Variants in PPP1R12A observed in about 807,000 individuals in gnomAD.
The protein encoded by PPP1R12A is myosin binding subunit.
A neutral mutation model predicts 139.6 loss-of-function variants in PPP1R12A; 19 were observed. That is an observed-to-expected ratio of 0.14 (90% CI 0.09 to 0.20). The LOEUF (loss-of-function observed/expected upper bound fraction) is 0.20. Among genes scored for constraint, PPP1R12A ranks in the 10% least tolerant of loss-of-function variants. The pLI, the probability that PPP1R12A is intolerant of heterozygous loss-of-function variation, is 1.00. For missense variants in PPP1R12A, 925 were observed against 1,211.5 expected (o/e 0.76, Z 3.51); for synonymous variants, 427 against 420.6 (o/e 1.02, Z -0.19).
intron 9 of PPP1R12A, among the ~76,000 whole-genome samples, chr12:79,811,609 G>A (rs1214808535): frequency 6.6e-6 from 1 of 152,214 alleles, no homozygotes; most frequent in African/African-American, 2.4e-5. Flanking sequence ...TACTGAGACA[G>A]CTGCTTATTG....
chr12:79,789,661 T>C (rs1470677260), intron 20 of PPP1R12A: 1 of 454,332 alleles, frequency 2.2e-6, no homozygotes. Context: ...AGACAGAAAT[T>C]TATTACTGGT....
chr12:79,928,336 G>C (rs1887999790), intron 1 of PPP1R12A, among the ~76,000 whole-genome samples: 1 of 152,180 alleles, frequency 6.6e-6, no homozygotes, highest in South Asian at 2.1e-4. Context: ...AAAAGCATTA[G>C]AACAGCAGCA....
chr12:79,852,588 T>G (rs1880184131), intron 2 of PPP1R12A, among the ~76,000 whole-genome samples: 1 of 152,214 alleles, frequency 6.6e-6, no homozygotes, highest in Non-Finnish European at 1.5e-5. Context: ...TGTTTGATTT[T>G]GCTCCAGCAG....
intron 3 of PPP1R12A, among the ~76,000 whole-genome samples, chr12:79,833,131 C>T (rs1367788097): frequency 2.6e-5 from 4 of 152,036 alleles, no homozygotes; most frequent in East Asian, 1.9e-4. Flanking sequence ...AGAGGCCAGG[C>T]GAGGTGGCTC....
At chr12:79,814,133 A>C (rs1874950970) in intron 9 of PPP1R12A, among the ~76,000 whole-genome samples, 1 of 152,316 alleles carries the variant, frequency 6.6e-6, no homozygotes, top group East Asian at 1.9e-4. Flanking sequence ...ACAGGAGTAT[A>C]AGAATCACTG....
At chr12:79,794,652 C>CA (rs1872287151) in intron 18 of PPP1R12A, among the ~76,000 whole-genome samples, 1 of 151,282 alleles carries the variant, frequency 6.6e-6, no homozygotes, top group South Asian at 2.1e-4. Context: ...GGAAGCTTTT[C>CA]AAAAAAGCAG....
At chr12:79,855,491 C>T (rs1880541197) in intron 2 of PPP1R12A, among the ~76,000 whole-genome samples, 2 of 151,922 alleles carry the variant, frequency 1.3e-5, no homozygotes, top group Admixed American at 6.6e-5. Flanking sequence ...GGGTATATAA[C>T]CAATAATGGG....
chr12:79,892,917 A>G lies in PPP1R12A; in HGVS notation c.238-19979T>C, dbSNP rs180957044. On this transcript the variant is annotated intron_variant, in intron 1 of 24. Transcript: ENST00000450142. ...TTAAGAGTTCGAGACCAGCCTGGCC[A>G]ACATGGTGAAACCCCGTCTCTACTA... Among the ~76,000 whole-genome samples the G allele has an allele frequency of 1.5e-3, 226 of 152,258 alleles. 1 individual carries two copies. Among genetic ancestry groups the G allele is most frequent in the Non-Finnish European group, 2.6e-3 (176 of 68,018 alleles).
At chr12:79,851,383 T>C (rs1437279049) in intron 2 of PPP1R12A, among the ~76,000 whole-genome samples, 1 of 152,254 alleles carries the variant, frequency 6.6e-6, no homozygotes, top group African/African-American at 2.4e-5. Context: ...TGTAACATTA[T>C]GAATCCAAAC....
intron 1 of PPP1R12A, among the ~76,000 whole-genome samples, chr12:79,881,743 A>G (rs1320743237): frequency 6.6e-6 from 1 of 152,220 alleles, no homozygotes; most frequent in Non-Finnish European, 1.5e-5. Context: ...TAGCACTTTT[A>G]TAGCTTGAGA....
rs757160874 is a variant in PPP1R12A, at chr12:79,845,349, T to A, written c.440A>T (p.Glu147Val). The A allele has an allele frequency of 6.2e-7, 1 of 1,613,638 alleles. No individual in the cohort carries two copies. Among genetic ancestry groups the A allele is most frequent in the South Asian group, 1.1e-5 (1 of 91,044 alleles). ...SEGDTPLDIA[E>V]EEAMEELLQN... ...AAGTAGCTCTTCCATTGCCTCCTCC[T>A]CCGCAATATCTAAAGGTGTATCTCC... Residue 147 changes from glutamate (E) to valine (V), a missense_variant, in exon 3 of 25, where the codon GAG becomes GTG. Physicochemically the swap from Glu to Val is moderately radical, Grantham distance 121. Transcript: ENST00000450142.
intron 2 of PPP1R12A, among the ~76,000 whole-genome samples, chr12:79,864,024 A>T (rs1351979393): frequency 1.3e-5 from 2 of 152,188 alleles, no homozygotes; most frequent in Non-Finnish European, 2.9e-5. Context: ...ACCCCAAATC[A>T]TCAGAATATA....
chr12:79,857,351 A>G (rs1446193012), intron 2 of PPP1R12A, among the ~76,000 whole-genome samples: 1 of 148,534 alleles, frequency 6.7e-6, no homozygotes, highest in African/African-American at 2.5e-5. Flanking sequence ...CAAACACCAC[A>G]TGTTCTCACT....
intron 3 of PPP1R12A, among the ~76,000 whole-genome samples, chr12:79,845,071 T>C (rs530272475): frequency 8.7e-4 from 132 of 152,336 alleles, no homozygotes; most frequent in African/African-American, 3.1e-3. Flanking sequence ...TTCCACATAA[T>C]TTTATGCCTG....
chr12:79,777,604 G>A (rs561369664), intron 24 of PPP1R12A: 14 of 985,138 alleles, frequency 1.4e-5, no homozygotes, highest in Middle Eastern at 5.2e-4. Context: ...GTCAGCAGTC[G>A]CTCATTTAAC....
intron 14 of PPP1R12A, among the ~76,000 whole-genome samples, chr12:79,799,857 A>G (rs960869420): frequency 5.9e-5 from 9 of 152,044 alleles, no homozygotes; most frequent in Admixed American, 3.9e-4. Context: ...AAAAAATAGA[A>G]AAATTAGCCA....
intron 14 of PPP1R12A, among the ~76,000 whole-genome samples, chr12:79,805,268 C>G (rs1873684244): frequency 6.6e-6 from 1 of 152,116 alleles, no homozygotes; most frequent in Admixed American, 6.5e-5. Flanking sequence ...CTAATTTTCC[C>G]TAAGTGTGTG....
intron 1 of PPP1R12A, among the ~76,000 whole-genome samples, chr12:79,925,215 T>C (rs1887740933): frequency 6.6e-6 from 1 of 152,134 alleles, no homozygotes; most frequent in Non-Finnish European, 1.5e-5. Flanking sequence ...AAAATATATA[T>C]AATTTGGGAT....
intron 6 of PPP1R12A, among the ~76,000 whole-genome samples, 185 bp downstream of exon 6, chr12:79,821,931 T>A (rs1314281138): frequency 6.6e-6 from 1 of 152,044 alleles, no homozygotes; most frequent in Non-Finnish European, 1.5e-5. Flanking sequence ...GAAATAGAAA[T>A]GGGGATAAGC....
Sources: gnomAD v4.1 joint callset for allele counts (sites outside exome capture counted in the v4.1 genomes callset) on GRCh38, gnomAD v4.1.1 for gene constraint, MANE v1.5 for transcripts, NCBI Gene and HGNC (gene_info 2026-07-23, HGNC 2026-07-21) for gene names.